The following SAMM50 variants were observed in gnomAD, a reference collection of about 807,000 sequenced individuals.
SAMM50 encodes SAMM50 sorting and assembly machinery component, also known as sorting and assembly machinery component 50 homolog.
In SAMM50, 47 loss-of-function variants were observed where a neutral mutation model predicts 66.9. The observed-to-expected ratio is 0.70, with a 90% CI of 0.56 to 0.90. The LOEUF (loss-of-function observed/expected upper bound fraction) is 0.90, where lower values mean the gene tolerates loss of function less well. Among genes scored for constraint, SAMM50 ranks in the 40% least tolerant of loss-of-function variants. SAMM50 has a pLI of 0.00. For missense variants in SAMM50, 535 were observed against 595.3 expected (o/e 0.90, Z 1.05); for synonymous variants, 191 against 214.1 (o/e 0.89, Z 0.94).
chr22:43,989,576 T>C (rs2050312324), intron 13 of SAMM50, among the ~76,000 whole-genome samples: 3 of 152,102 alleles, frequency 2.0e-5, no homozygotes, highest in Admixed American at 6.6e-5. Flanking sequence ...GACCTCGTGA[T>C]CCACACCCCC....
At position 43,989,120 on chromosome 22, in the gene SAMM50, T is replaced by G; in HGVS notation, c.1085T>G (p.Leu362Arg). The G allele has an allele frequency of 1.2e-6, 2 of 1,613,900 alleles. No individual in the cohort carries two copies. Among genetic ancestry groups the G allele is most frequent in the Non-Finnish European group, 1.7e-6 (2 of 1,179,970 alleles). ...CCCCTCCTTTGCTTAGGAGACTACC[T>G]AGGTGGAGAAGCGTACTGGGCCGGC... ...SIGPQSEGDYLGGEAYWAGGL... is the reference protein window; with the variant it reads ...SIGPQSEGDYRGGEAYWAGGL... The change falls in exon 13 of 15, where the codon CTA becomes CGA. Residue 362 changes from leucine (L) to arginine (R), a missense_variant. Physicochemically the swap from Leu to Arg is moderately radical, Grantham distance 102. Coordinates refer to ENST00000350028, the MANE Select transcript of SAMM50 (RefSeq NM_015380.5).
At chr22:43,981,307 GT>G in intron 10 of SAMM50, 83 bp from the exon 11 acceptor site, 1 of 1,062,600 alleles carries the variant, frequency 9.4e-7, no homozygotes, top group South Asian at 1.3e-5. Context: ...CGGGCATTCA[GT>G]GTGTGGCCAG....
rs751747955 is a variant in SAMM50 at position 43,976,064 on chromosome 22, T to C, written c.658T>C (p.Trp220Arg). Residue 220 changes from tryptophan to arginine, a missense_variant, in exon 8 of 15, where the codon TGG (tryptophan) becomes CGG (arginine). Trp to Arg is a moderately radical substitution (Grantham distance 101). Transcript: ENST00000350028. ...GMSAEYSFPI[W>R]KTSHTVKWEG... Reference sequence around the variant, plus strand: ...GATCTCCATGTTGCAGTTTCCCATATGGAAGACCAGCCACACTGTCAAGTG... The same window carrying C: ...GATCTCCATGTTGCAGTTTCCCATACGGAAGACCAGCCACACTGTCAAGTG... 3 of 1,610,544 alleles carry C rather than the reference T, an allele frequency of 1.9e-6. No individual in the cohort carries two copies. Among genetic ancestry groups the C allele is most frequent in the Admixed American group, 1.7e-5 (1 of 59,972 alleles).
At position 43,996,428 on chromosome 22, in the gene SAMM50, G is replaced by T; in HGVS notation, c.*45G>T. ...AGCTCTGGGACTGGGGCAGCAGCAA[G>T]GCGCCCATGCCACACACCGTCTCTC... is the stretch of plus-strand genomic sequence containing the variant. On this transcript the variant is annotated 3_prime_UTR_variant, in exon 15 of 15. Coordinates refer to ENST00000350028, the MANE Select transcript of SAMM50 (RefSeq NM_015380.5). 6.3e-7 allele frequency: 1 copy of T among 1,580,248 alleles called. No individual in the cohort carries two copies. The highest frequency in any genetic ancestry group is 1.1e-5 in the South Asian group (1 of 90,410).
chr22:43,995,220 G>A (rs1487609200), intron 14 of SAMM50, among the ~76,000 whole-genome samples: 1 of 152,146 alleles, frequency 6.6e-6, no homozygotes. Flanking sequence ...GCAGGAGGCC[G>A]GCGCAGCATT....
At chr22:43,996,102 C>T in intron 14 of SAMM50, 1 of 642,578 alleles carries the variant, frequency 1.6e-6, no homozygotes, top group Non-Finnish European at 2.8e-6. Flanking sequence ...GGATTTGGGT[C>T]TCTCCTTCTT....
chr22:43,985,897 CT>C (rs1334962822), intron 12 of SAMM50, among the ~76,000 whole-genome samples: 5 of 150,522 alleles, frequency 3.3e-5, no homozygotes, highest in African/African-American at 1.2e-4. Context: ...ACACTATTAT[CT>C]TTTTAAAGAC....
chr22:43,977,429 C>T (rs1481597260), intron 9 of SAMM50, among the ~76,000 whole-genome samples: 8 of 152,142 alleles, frequency 5.3e-5, no homozygotes, highest in South Asian at 4.1e-4. Context: ...TCGCTCTGGC[C>T]GGTGGTACTT....
At chr22:43,966,845 CT>C (rs917067414) in intron 3 of SAMM50, among the ~76,000 whole-genome samples, 2 of 150,298 alleles carry the variant, frequency 1.3e-5, no homozygotes, top group African/African-American at 4.9e-5. Context: ...TCATATCTCT[CT>C]TGTGAATTAA....
chr22:43,956,751 A>G (rs1441161227), intron 1 of SAMM50, among the ~76,000 whole-genome samples: 2 of 152,212 alleles, frequency 1.3e-5, no homozygotes, highest in Non-Finnish European at 2.9e-5. Context: ...GAAACTTCTC[A>G]TGCTGATTCC....
intron 14 of SAMM50, among the ~76,000 whole-genome samples, chr22:43,992,848 TCC>T (rs901909054): frequency 2.6e-5 from 4 of 152,064 alleles, no homozygotes; most frequent in African/African-American, 9.7e-5. Context: ...GTGTTGCCCC[TCC>T]CCCTCCACAT....
chr22:43,972,848 A>ATTTT (rs34361615), intron 5 of SAMM50, 23 bp from the exon 6 acceptor site: 1 of 1,361,394 alleles, frequency 7.3e-7, no homozygotes, highest in Non-Finnish European at 1.0e-6. Flanking sequence ...GACCACTGCT[A>ATTTT]TTTTTTTTTT....
intron 3 of SAMM50, among the ~76,000 whole-genome samples, chr22:43,965,320 C>G (rs1434631646): frequency 6.6e-6 from 1 of 151,978 alleles, no homozygotes; most frequent in Non-Finnish European, 1.5e-5. Context: ...ATTCTCACAC[C>G]TCAGCCTCCC....
intron 1 of SAMM50, among the ~76,000 whole-genome samples, chr22:43,960,768 A>G: frequency 6.6e-6 from 1 of 152,168 alleles, no homozygotes; most frequent in East Asian, 1.9e-4. Flanking sequence ...TGTGAAGGTC[A>G]CAGACTTCAA....
chr22:43,958,876 C>T (rs1035544559), intron 1 of SAMM50, among the ~76,000 whole-genome samples: 1 of 152,130 alleles, frequency 6.6e-6, no homozygotes, highest in Non-Finnish European at 1.5e-5. Context: ...TCCCACTAGC[C>T]AGTGTCTTTC....
intron 13 of SAMM50, among the ~76,000 whole-genome samples, 160 bp downstream of exon 13, chr22:43,989,417 A>C (rs1000731994): frequency 2.0e-5 from 3 of 150,446 alleles, no homozygotes; most frequent in African/African-American, 7.4e-5. Context: ...GCTCACTGCA[A>C]CCTCCACCTT....
rs1288464126 is a variant in SAMM50, at chr22:43,980,518, C to G, written c.937-873C>G. Among the ~76,000 whole-genome samples the G allele has an allele frequency of 2.0e-5, 3 of 151,712 alleles. No individual in the cohort carries two copies. In the South Asian group the frequency reaches 6.3e-4, roughly 32 times the overall value. On this transcript the variant is annotated intron_variant, in intron 10 of 14. Coordinates refer to ENST00000350028, the MANE Select transcript of SAMM50 (RefSeq NM_015380.5). ...GACAGCGGGACACCTCGGGCGGGAG[C>G]ATGAATTCCAAGAGCAGTAGTGGCA...
chr22:43,984,076 C>A, intron 12 of SAMM50, 76 bp downstream of exon 12: 1 of 1,263,094 alleles, frequency 7.9e-7, no homozygotes, highest in Non-Finnish European at 1.1e-6. Context: ...CTGTTATTAG[C>A]TTACAGCGAT....
intron 10 of SAMM50, among the ~76,000 whole-genome samples, chr22:43,979,159 G>A (rs1335611566): frequency 6.6e-6 from 1 of 152,156 alleles, no homozygotes; most frequent in East Asian, 1.9e-4. Flanking sequence ...TGCCTCATAG[G>A]CATGGCTTGC....
Sources: gnomAD v4.1 joint callset for allele counts (sites outside exome capture counted in the v4.1 genomes callset) on GRCh38, gnomAD v4.1.1 for gene constraint, MANE v1.5 for transcripts, NCBI Gene and HGNC (gene_info 2026-07-23, HGNC 2026-07-21) for gene names.